Variants in MPRIP observed in about 807,000 individuals in gnomAD.
MPRIP encodes the protein myosin phosphatase Rho interacting protein.
A neutral mutation model predicts 234.9 loss-of-function variants in MPRIP; 59 were observed. That is an observed-to-expected ratio of 0.25 (90% CI 0.20 to 0.31). The LOEUF (loss-of-function observed/expected upper bound fraction) is 0.31, where lower values mean the gene tolerates loss of function less well. Ranked by LOEUF, MPRIP falls within the 10% of genes least tolerant of loss-of-function variation. The pLI is 1.00. For synonymous variants in MPRIP, 1,144 were observed against 1,263.9 expected, an observed-to-expected ratio of 0.91 and a Z score of 2.01; for missense variants, 2,436 against 3,071.0, an observed-to-expected ratio of 0.79 and a Z score of 4.89.
intron 3 of MPRIP, among the ~76,000 whole-genome samples, chr17:17,101,658 T>C (rs1402718508): frequency 1.3e-5 from 2 of 152,218 alleles, no homozygotes; most frequent in East Asian, 3.8e-4. Context: ...TAAACAGTAG[T>C]GTAGACAGCA....
chr17:17,160,873 G>A (rs2045847923), intron 14 of MPRIP, among the ~76,000 whole-genome samples: 1 of 152,190 alleles, frequency 6.6e-6, no homozygotes, highest in Non-Finnish European at 1.5e-5. Context: ...TTGTTCCCCA[G>A]TGGACACATT....
chr17:17,072,723 A>G (rs936554132), intron 1 of MPRIP, among the ~76,000 whole-genome samples: 5 of 152,024 alleles, frequency 3.3e-5, no homozygotes, highest in African/African-American at 1.2e-4. Context: ...TGGTGGTGAT[A>G]TAGCTGGCCA....
rs577602984 is a variant in MPRIP, at chr17:17,054,305, G to A, written c.123+11334G>A. 2.3e-3 allele frequency among the ~76,000 whole-genome samples: 351 copies of A among 152,320 alleles called. 2 individuals are homozygous for A. Among genetic ancestry groups the A allele is most frequent in the Non-Finnish European group, 4.1e-3 (277 of 68,024 alleles). On this transcript the variant is annotated intron_variant, in intron 1 of 23. Coordinates refer to ENST00000651222, the MANE Select transcript of MPRIP (RefSeq NM_001364716.4). ...GAAGTTCAAAAACAAGGACAAAAGCGGTGGGCTGGCTGAGTGCTTCTTACT... is the reference window on the plus strand; with the variant it reads ...GAAGTTCAAAAACAAGGACAAAAGCAGTGGGCTGGCTGAGTGCTTCTTACT...
At chr17:17,063,054 G>GAC (rs2088914492) in intron 1 of MPRIP, among the ~76,000 whole-genome samples, 1 of 152,246 alleles carries the variant, frequency 6.6e-6, no homozygotes, top group Non-Finnish European at 1.5e-5. Context: ...CCTGGCTTGT[G>GAC]TCTACTTGCG....
rs56270914 is a variant in MPRIP at position 17,192,427 on chromosome 17, T to TTGGGGGGGGGG, written c.*7533_*7534insTGGGGGGGGGG. 1 of 4,814 alleles carries TTGGGGGGGGGG rather than the reference T, an allele frequency of 2.1e-4. No individual in the cohort carries two copies. Among genetic ancestry groups the TTGGGGGGGGGG allele is most frequent in the African/African-American group, 4.2e-4 (1 of 2,358 alleles). The allele number at this position is 4,814 out of a possible 1,614,324, so 0.3% of individuals were successfully genotyped here. A position where few individuals can be genotyped will look rare whatever the true frequency, so the allele number is the denominator to read the frequency against. On this transcript the variant is annotated 3_prime_UTR_variant, in exon 24 of 24. Coordinates refer to ENST00000651222, the MANE Select transcript of MPRIP (RefSeq NM_001364716.4). ...ACCAGCTGAGCTGCTGCTTTTTTTT[T>TTGGGGGGGGGG]GGGGGGGGGGGGGGGAGGGGCGTCT...
intron 3 of MPRIP, among the ~76,000 whole-genome samples, chr17:17,095,572 A>G (rs2089819864): frequency 1.3e-5 from 2 of 152,094 alleles, no homozygotes; most frequent in South Asian, 2.1e-4. Flanking sequence ...AACTTTTAGG[A>G]TGCAGACTTT....
intron 9 of MPRIP, 21 bp downstream of exon 9, chr17:17,143,690 C>G (rs1395576420): frequency 1.3e-6 from 2 of 1,516,310 alleles, no homozygotes; most frequent in Non-Finnish European, 1.8e-6. Context: ...GCGCCGCGTC[C>G]TCCGGAGGCC....
At chr17:17,128,376 G>T (rs983288046) in intron 4 of MPRIP, among the ~76,000 whole-genome samples, 7 of 152,172 alleles carry the variant, frequency 4.6e-5, no homozygotes, top group African/African-American at 1.7e-4. Flanking sequence ...GTACCATGTG[G>T]TATTAGGAGA....
Position 17,166,496 on chromosome 17 carries a change from C to T in MPRIP, c.4905C>T (p.His1635=). The change falls in exon 16 of 24, where the codon CAC becomes CAT. Residue 1635 remains histidine, a synonymous_variant. Transcript: ENST00000651222. This position sits in a 1 kb window ranked among gnomAD's most constrained non-coding sequence, Gnocchi z 4.4. ...FWSQVESLRK[H]LGTLGGEAVG... ...GCCAGGTTGAGTCTCTGAGGAAGCA[C>T]TTGGGGACACTGGGAGGAGAGGCAG... The T allele has an allele frequency of 7.7e-7, 1 of 1,304,322 alleles. No homozygotes were observed. Among genetic ancestry groups the T allele is most frequent in the South Asian group, 1.2e-5 (1 of 81,030 alleles). The allele number at this position is 1,304,322 out of a possible 1,614,324, so 80.8% of individuals were successfully genotyped here.
At chr17:17,142,552 A>C in intron 7 of MPRIP, 75 bp from the exon 8 acceptor site, 2 of 1,548,082 alleles carry the variant, frequency 1.3e-6, no homozygotes, top group Non-Finnish European at 1.8e-6. Flanking sequence ...CAGGCCGGGC[A>C]TGGGAGGAGT....
At chr17:17,114,032 G>C (rs1364066906) in intron 3 of MPRIP, among the ~76,000 whole-genome samples, 1 of 151,682 alleles carries the variant, frequency 6.6e-6, no homozygotes, top group African/African-American at 2.4e-5. Flanking sequence ...GACTATAAGA[G>C]TACACCACCA....
intron 3 of MPRIP, among the ~76,000 whole-genome samples, chr17:17,106,761 C>T (rs1055267008): frequency 1.3e-5 from 2 of 152,200 alleles, no homozygotes; most frequent in African/African-American, 4.8e-5. Context: ...AACTGACCAA[C>T]TACATTTTCC....
intron 2 of MPRIP, chr17:17,077,752 TAAAAAAA>T: frequency 2.0e-5 from 6 of 306,044 alleles, no homozygotes; most frequent in South Asian, 4.6e-5. Flanking sequence ...TTCCAAGTGT[TAAAAAAA>T]AAAAAAAAAA....
intron 19 of MPRIP, 93 bp downstream of exon 19, chr17:17,174,168 C>G (rs1348176335): frequency 7.0e-6 from 10 of 1,434,058 alleles, no homozygotes; most frequent in Non-Finnish European, 9.4e-6. Flanking sequence ...GAGCTGGAGC[C>G]AGGCCTCACC....
intron 5 of MPRIP, among the ~76,000 whole-genome samples, chr17:17,135,884 G>A (rs916159167): frequency 6.6e-6 from 1 of 152,238 alleles, no homozygotes; most frequent in South Asian, 2.1e-4. Flanking sequence ...CAGAGGGTGG[G>A]TAAGGCCACA....
At chr17:17,073,357 G>T (rs572229727) in intron 1 of MPRIP, among the ~76,000 whole-genome samples, 1 of 152,222 alleles carries the variant, frequency 6.6e-6, no homozygotes, top group Non-Finnish European at 1.5e-5. Context: ...ATGCACACGG[G>T]GTTCCTGAGC....
rs559299788 is a variant in MPRIP, at chr17:17,103,356, C to T, written c.268-23346C>T. Among the ~76,000 whole-genome samples the T allele has an allele frequency of 8.5e-5, 13 of 152,356 alleles. No homozygotes were observed. The East Asian group carries it at 2.3e-3, about 27-fold the overall frequency. ...AGCACTGCTGGGAAAGCAGCTCAGACCCCAGGGCCGGCAGCCGTGAGGGTA... is the reference window on the plus strand; with the variant it reads ...AGCACTGCTGGGAAAGCAGCTCAGATCCCAGGGCCGGCAGCCGTGAGGGTA... On this transcript the variant is annotated intron_variant, in intron 3 of 23. Coordinates refer to ENST00000651222, the MANE Select transcript of MPRIP (RefSeq NM_001364716.4).
intron 1 of MPRIP, among the ~76,000 whole-genome samples, chr17:17,049,835 C>G (rs1276409798): frequency 1.3e-5 from 2 of 152,212 alleles, no homozygotes; most frequent in Non-Finnish European, 2.9e-5. Context: ...GCCCTGTCCT[C>G]TAGAACTGTA....
intron 3 of MPRIP, among the ~76,000 whole-genome samples, chr17:17,081,686 G>C (rs1216157970): frequency 6.6e-6 from 1 of 152,220 alleles, no homozygotes; most frequent in East Asian, 1.9e-4. Flanking sequence ...AGCCCTTTCT[G>C]CTCGGGGACT....
Sources: allele counts gnomAD v4.1 joint callset (sites outside exome capture counted in the v4.1 genomes callset), GRCh38; gene constraint gnomAD v4.1.1; non-coding constraint Gnocchi (gnomAD v3.1); transcripts MANE v1.5; gene names NCBI Gene and HGNC (gene_info 2026-07-23, HGNC 2026-07-21).